Variants in ARL9 observed in about 807,000 individuals in gnomAD.
The protein encoded by ARL9 is ADP-ribosylation factor-like protein 9.
Under a neutral mutation model 27.0 loss-of-function variants are expected in ARL9, and 14 were observed. The ratio of observed to expected loss-of-function variants is 0.52; its 90% CI spans 0.34 to 0.81. The LOEUF (loss-of-function observed/expected upper bound fraction) is 0.81. Among genes scored for constraint, ARL9 ranks in the 30% least tolerant of loss-of-function variants. ARL9 has a pLI of 0.01. For missense variants in ARL9, 294 were observed against 290.0 expected, an observed-to-expected ratio of 1.01 and a Z score of -0.10; for synonymous variants, 106 against 108.7, an observed-to-expected ratio of 0.98 and a Z score of 0.15.
At chr4:56,519,899 TG>T (rs2110154011) in intron 3 of ARL9, among the ~76,000 whole-genome samples, 1 of 152,206 alleles carries the variant, frequency 6.6e-6, no homozygotes, top group South Asian at 2.1e-4. Context: ...GCACCCAGGC[TG>T]GAGTGCAGTG....
At chr4:56,505,517 C>T (rs1007260078), upstream of ARL9, 2 of 497,486 alleles carry the variant, frequency 4.0e-6, no homozygotes, top group African/African-American at 3.9e-5. Flanking sequence ...GAGGTAATCG[C>T]GCTAGGGACG....
chr4:56,512,639 A>G (rs988911724), intron 2 of ARL9, among the ~76,000 whole-genome samples: 6 of 151,194 alleles, frequency 4.0e-5, no homozygotes, highest in African/African-American at 1.5e-4. Flanking sequence ...TCCTGGGTTC[A>G]AGCGATTCTC....
Position 56,514,730 on chromosome 4 carries a change from C to T in ARL9, c.442+3383C>T, listed in dbSNP as rs543394866. Among the ~76,000 whole-genome samples the T allele has an allele frequency of 9.2e-5, 14 of 152,172 alleles. No individual in the cohort carries two copies. In the South Asian group the frequency reaches 2.7e-3, roughly 29 times the overall value. On this transcript the variant is annotated intron_variant, in intron 2 of 3. Transcript: ENST00000640821. ...AGATCAGTTTGTTTATAGGTGGGCT[C>T]TTATCAATCTTAATCTTACATAAAT...
chr4:56,514,838 TA>T (rs1319333797), intron 2 of ARL9, among the ~76,000 whole-genome samples: 1 of 152,126 alleles, frequency 6.6e-6, no homozygotes, highest in Non-Finnish European at 1.5e-5. Context: ...GCAAAGATAG[TA>T]TAAGAAATGG....
chr4:56,507,325 G>GT (rs892337537), intron 1 of ARL9, among the ~76,000 whole-genome samples: 103 of 151,748 alleles, frequency 6.8e-4, no homozygotes, highest in South Asian at 3.8e-3. Flanking sequence ...TTTTGTTTTT[G>GT]TTTTTTTGAG....
chr4:56,512,481 T>G (rs1281505020), intron 2 of ARL9, among the ~76,000 whole-genome samples: 1 of 152,026 alleles, frequency 6.6e-6, no homozygotes, highest in Non-Finnish European at 1.5e-5. Flanking sequence ...CTTCCCTTGA[T>G]GGCTTGCTCC....
intron 1 of ARL9, among the ~76,000 whole-genome samples, chr4:56,510,714 A>G (rs1362925364): frequency 6.6e-6 from 1 of 152,166 alleles, no homozygotes; most frequent in Non-Finnish European, 1.5e-5. Flanking sequence ...CTCATTAGAA[A>G]ATATTAACTA....
In ARL9 at chr4:56,518,685, C is replaced by A; in HGVS notation, c.450C>A (p.Gly150=). 1 of 1,612,412 alleles carries A rather than the reference C, an allele frequency of 6.2e-7. No homozygotes were observed. The highest frequency in any genetic ancestry group is 2.2e-5 in the East Asian group (1 of 44,836). ...CTCTACTATTCTCTGTAGTTGGTGG[C>A]AGTAAACCTTTTCGGTCCTACTGGG... ...DSQMEFLEIG[G]SKPFRSYWEM... Residue 150 remains glycine (G), a synonymous_variant, in exon 3 of 4, where the codon GGC becomes GGA. Coordinates refer to ENST00000640821, the MANE Select transcript of ARL9 (RefSeq NM_001363794.2).
At chr4:56,519,426 A>G (rs1206296420) in intron 3 of ARL9, among the ~76,000 whole-genome samples, 1 of 152,144 alleles carries the variant, frequency 6.6e-6, no homozygotes, top group African/African-American at 2.4e-5. Context: ...CCTGGCTAAC[A>G]TGGTGAAACC....
chr4:56,511,453 A>C, intron 2 of ARL9, 106 bp downstream of exon 2: 1 of 1,234,068 alleles, frequency 8.1e-7, no homozygotes, highest in South Asian at 1.6e-5. Context: ...CACTGAATCA[A>C]ATTTTCCTAG....
intron 3 of ARL9, 70 bp downstream of exon 3, chr4:56,518,923 CTAGA>C (rs1330309511): frequency 1.4e-6 from 2 of 1,385,244 alleles, no homozygotes; most frequent in African/African-American, 1.4e-5. Flanking sequence ...CTTTTAATAC[CTAGA>C]TAGTCAACAA....
At chr4:56,512,603 G>C (rs1488301893) in intron 2 of ARL9, among the ~76,000 whole-genome samples, 1 of 148,472 alleles carries the variant, frequency 6.7e-6, no homozygotes, top group African/African-American at 2.5e-5. Context: ...GCAGTGGCAC[G>C]ATCTCAGCTC....
intron 2 of ARL9, among the ~76,000 whole-genome samples, chr4:56,516,074 G>A (rs77506955): frequency 0.015 from 2,351 of 152,244 alleles, 56 homozygotes; most frequent in African/African-American, 0.052. Flanking sequence ...ACTAAAATGC[G>A]TGGTGTTGGC....
chr4:56,522,793 A>C (rs1160386941), intron 3 of ARL9, among the ~76,000 whole-genome samples: 1 of 151,916 alleles, frequency 6.6e-6, no homozygotes. Flanking sequence ...CCCTCTTCCA[A>C]GCCTCCCCCA....
At position 56,506,530 on chromosome 4, in the gene ARL9, G is replaced by C. The variant is rs184998607; in HGVS notation, c.279+389G>C. 17,464 of 635,092 alleles carry C rather than the reference G, an allele frequency of 0.027. 371 individuals carry two copies. In the East Asian group the frequency reaches 0.3, roughly 11 times the overall value. The allele number at this position is 635,092 out of a possible 1,614,324, so 39.3% of individuals were successfully genotyped here. On this transcript the variant is annotated intron_variant, in intron 1 of 3. Coordinates refer to ENST00000640821, the MANE Select transcript of ARL9 (RefSeq NM_001363794.2). The stretch of plus-strand genomic sequence containing the variant: ...CAGCCCCGAACCCTCCCCACACGCA[G>C]GCCCTCTTTGCATTGAATGCGTTCT...
chr4:56,519,000 G>A lies in ARL9; in HGVS notation c.618+147G>A, dbSNP rs1490810307. 3 of 783,678 alleles carry A rather than the reference G, an allele frequency of 3.8e-6. No individual in the cohort carries two copies. In the African/African-American group the frequency reaches 5.3e-5, roughly 14 times the overall value. 48.5% of individuals were successfully genotyped at this position (783,678 alleles called of 1,614,324 possible). On this transcript the variant is annotated intron_variant, in intron 3 of 3. Transcript: ENST00000640821. ...CTCTTGGATTATAAACACCTTGAGG[G>A]TAGAGACTGTTGTTCATTTTTGTGT...
chr4:56,505,666 C>A, upstream of ARL9: 1 of 873,306 alleles, frequency 1.1e-6, no homozygotes, highest in South Asian at 1.9e-5. Context: ...TTCAGCGAAT[C>A]GGCTGCAAGA....
At chr4:56,517,188 C>T (rs960859553) in intron 2 of ARL9, among the ~76,000 whole-genome samples, 1 of 152,152 alleles carries the variant, frequency 6.6e-6, no homozygotes, top group Non-Finnish European at 1.5e-5. Context: ...GATGTTTAAA[C>T]TATGTGTGTT....
chr4:56,523,992 G>C lies in ARL9; in HGVS notation c.*116G>C. The C allele has an allele frequency of 2.0e-6, 2 of 993,912 alleles. No homozygotes were observed. The highest frequency in any genetic ancestry group is 2.9e-6 in the Non-Finnish European group (2 of 701,730). The allele number at this position is 993,912 out of a possible 1,614,324, so 61.6% of individuals were successfully genotyped here. On this transcript the variant is annotated 3_prime_UTR_variant, in exon 4 of 4. Coordinates refer to ENST00000640821, the MANE Select transcript of ARL9 (RefSeq NM_001363794.2). ...AATTAAGCCATTTCCTATTTTCTCA[G>C]TGCATGGGATGTATATAGTTAGCCC...
Sources: allele counts gnomAD v4.1 joint callset (sites outside exome capture counted in the v4.1 genomes callset), GRCh38; gene constraint gnomAD v4.1.1; transcripts MANE v1.5; gene names NCBI Gene and HGNC (gene_info 2026-07-23, HGNC 2026-07-21).